Variants in DOCK1 observed in about 807,000 individuals in gnomAD.
DOCK1 encodes dedicator of cytokinesis 1.
Under a neutral mutation model 262.7 loss-of-function variants are expected in DOCK1, and 138 were observed. The ratio of observed to expected loss-of-function variants is 0.53; its 90% CI spans 0.46 to 0.61. The LOEUF is 0.61. DOCK1 is among the 20% of genes least tolerant of loss of function. The pLI, the probability that DOCK1 is intolerant of heterozygous loss-of-function variation, is 0.00. For synonymous variants in DOCK1, 866 were observed against 867.4 expected, an observed-to-expected ratio of 1.00 and a Z score of 0.03; for missense variants, 1,908 against 2,370.7, an observed-to-expected ratio of 0.80 and a Z score of 4.05.
At chr10:127,138,481 C>G (rs908673084) in intron 27 of DOCK1, among the ~76,000 whole-genome samples, 1 of 152,092 alleles carries the variant, frequency 6.6e-6, no homozygotes, top group East Asian at 1.9e-4. Flanking sequence ...TCTCTGATCT[C>G]CCACCTAAAA....
chr10:127,192,515 A>G (rs1475246453), intron 27 of DOCK1: 1 of 152,160 alleles, frequency 6.6e-6, no homozygotes, highest in Non-Finnish European at 1.5e-5. Context: ...ATCTTTATAC[A>G]CCTCAAAGTC....
At position 127,270,104 on chromosome 10, in the gene DOCK1, G is replaced by A. The variant is rs370685562; in HGVS notation, c.3044+12675G>A. Among the ~76,000 whole-genome samples the A allele has an allele frequency of 1.9e-4, 29 of 152,292 alleles. No individual in the cohort carries two copies. The East Asian group carries it at 4.3e-3, about 22-fold the overall frequency. ...AAGCCAGCTCCCCAGCGCCTCCTCCGAGCTGCCATCCTTCTCTCCTGTGGC... is the reference window on the plus strand; with the variant it reads ...AAGCCAGCTCCCCAGCGCCTCCTCCAAGCTGCCATCCTTCTCTCCTGTGGC... On this transcript the variant is annotated intron_variant, in intron 29 of 51. Coordinates refer to ENST00000623213, the MANE Select transcript of DOCK1 (RefSeq NM_001290223.2).
intron 27 of DOCK1, among the ~76,000 whole-genome samples, chr10:127,188,826 C>A (rs2056507644): frequency 1.3e-5 from 2 of 152,226 alleles, no homozygotes; most frequent in South Asian, 2.1e-4. Flanking sequence ...TCTCCAAACA[C>A]CCTCTGAAGG....
chr10:127,399,853 TA>T (rs1348245581), intron 38 of DOCK1, among the ~76,000 whole-genome samples: 1 of 152,144 alleles, frequency 6.6e-6, no homozygotes, highest in Non-Finnish European at 1.5e-5. Context: ...AAAAAAACGT[TA>T]AAAGTAGGGA....
intron 29 of DOCK1, among the ~76,000 whole-genome samples, chr10:127,332,649 G>A (rs976318284): frequency 9.2e-5 from 14 of 152,108 alleles, no homozygotes; most frequent in Admixed American, 5.2e-4. Context: ...CCAAAGACAC[G>A]AGGCAGATCC....
chr10:126,906,179 C>CTGG (rs1163546247), intron 1 of DOCK1, among the ~76,000 whole-genome samples: 4 of 152,222 alleles, frequency 2.6e-5, no homozygotes, highest in African/African-American at 9.6e-5. Context: ...CCAGTGGCCC[C>CTGG]AGGCCTGGAG....
chr10:127,135,495 T>A (rs2050612844), intron 27 of DOCK1: 1 of 152,684 alleles, frequency 6.5e-6, no homozygotes, highest in African/African-American at 2.4e-5. Flanking sequence ...ATTTAATCTC[T>A]ATATGCAATG....
chr10:127,087,485 A>G (rs943954875), intron 23 of DOCK1, among the ~76,000 whole-genome samples: 5 of 152,084 alleles, frequency 3.3e-5, no homozygotes, highest in African/African-American at 1.2e-4. Context: ...AATATTGGGT[A>G]GAGTGTTGGT....
At chr10:127,193,251 C>T (rs2056876465) in intron 27 of DOCK1, among the ~76,000 whole-genome samples, 1 of 152,110 alleles carries the variant, frequency 6.6e-6, no homozygotes, top group African/African-American at 2.4e-5. Context: ...ATGACGATGA[C>T]ACTGGTTTTA....
chr10:127,056,010 T>A (rs4751504), intron 22 of DOCK1, among the ~76,000 whole-genome samples: 26,248 of 152,150 alleles, frequency 0.17, 2,434 homozygotes, highest in South Asian at 0.32. Flanking sequence ...TCTTTGCTGG[T>A]ATAACTTGTT....
At chr10:127,092,910 G>A (rs1422773536) in intron 23 of DOCK1, among the ~76,000 whole-genome samples, 3 of 152,198 alleles carry the variant, frequency 2.0e-5, no homozygotes, top group Non-Finnish European at 4.4e-5. Flanking sequence ...GTGGGGTGAT[G>A]TATTCGTCCC....
intron 35 of DOCK1, among the ~76,000 whole-genome samples, chr10:127,379,662 G>C (rs1469271778): frequency 1.3e-5 from 2 of 152,180 alleles, no homozygotes; most frequent in Non-Finnish European, 2.9e-5. Context: ...TGCTGAGGCT[G>C]GGCCCAGAAA....
At position 127,428,417 on chromosome 10, in the gene DOCK1, G is replaced by A. The variant is rs72843712; in HGVS notation, c.4914+2406G>A. Among the ~76,000 whole-genome samples, 1,281 of 151,206 alleles carry A rather than the reference G, an allele frequency of 8.5e-3. 3 individuals carry two copies. Among genetic ancestry groups the A allele is most frequent in the Admixed American group, 0.014 (218 of 15,166 alleles). On this transcript the variant is annotated intron_variant, in intron 47 of 51. Transcript: ENST00000623213. The stretch of plus-strand genomic sequence containing the variant: ...GGTGTGCTGTGTGGATTGGGGTGCC[G>A]TGTGAATTGGGGTGCCGTGTGAATT...
chr10:127,054,396 A>G (rs1453758407), intron 22 of DOCK1, among the ~76,000 whole-genome samples: 2 of 152,162 alleles, frequency 1.3e-5, no homozygotes, highest in African/African-American at 4.8e-5. Flanking sequence ...CAAATATGGC[A>G]TGTTTGAGGG....
chr10:126,905,479 G>T lies in DOCK1; in HGVS notation c.-39G>T. On this transcript the variant is annotated 5_prime_UTR_variant, in exon 1 of 52. Transcript: ENST00000623213. ...GAATGGAAAATGGCGGCCTAGACGC[G>T]GAGTTTCCTGCCCGACCCGCGGCGG... is the stretch of plus-strand genomic sequence containing the variant. 3.8e-6 allele frequency: 2 copies of T among 524,430 alleles called. No individual in the cohort carries two copies. Among genetic ancestry groups the T allele is most frequent in the South Asian group, 2.2e-5 (1 of 45,320 alleles). 32.5% of individuals were successfully genotyped at this position (524,430 alleles called of 1,614,324 possible).
intron 27 of DOCK1, among the ~76,000 whole-genome samples, chr10:127,199,743 C>T (rs961434075): frequency 5.3e-5 from 8 of 152,238 alleles, no homozygotes; most frequent in Admixed American, 1.3e-4. Context: ...CTGTCTCCTG[C>T]ACTAGTTGCT....
chr10:127,221,368 C>A (rs2058429938), intron 27 of DOCK1, among the ~76,000 whole-genome samples: 1 of 152,122 alleles, frequency 6.6e-6, no homozygotes, highest in African/African-American at 2.4e-5. Flanking sequence ...GTTGTTATGG[C>A]AACCCTAGGA....
intron 25 of DOCK1, among the ~76,000 whole-genome samples, chr10:127,110,690 A>G (rs1028259349): frequency 2.0e-5 from 3 of 152,220 alleles, no homozygotes; most frequent in Non-Finnish European, 4.4e-5. Context: ...GATTGCAAGG[A>G]AAAGAATTCG....
At chr10:127,075,358 A>G (rs1048758599) in intron 23 of DOCK1, among the ~76,000 whole-genome samples, 3 of 151,628 alleles carry the variant, frequency 2.0e-5, no homozygotes, top group African/African-American at 7.3e-5. Flanking sequence ...TGTAGCCTTG[A>G]CCTCCTGGGC....
Sources: gnomAD v4.1 joint callset for allele counts (sites outside exome capture counted in the v4.1 genomes callset) on GRCh38, gnomAD v4.1.1 for gene constraint, MANE v1.5 for transcripts, NCBI Gene and HGNC (gene_info 2026-07-23, HGNC 2026-07-21) for gene names.